Variants in GALNT13 observed in about 807,000 individuals in gnomAD.
GALNT13 encodes the protein UDP-GalNAc:polypeptide N-acetylgalactosaminyltransferase 13.
A neutral mutation model predicts 64.2 loss-of-function variants in GALNT13; 28 were observed. That is an observed-to-expected ratio of 0.44 (90% CI 0.32 to 0.60). The LOEUF is 0.60. GALNT13 is among the 20% of genes least tolerant of loss of function. The pLI is 0.05. For synonymous variants in GALNT13, 214 were observed against 224.6 expected (o/e 0.95, Z 0.42); for missense variants, 577 against 669.8 (o/e 0.86, Z 1.53).
intron 9 of GALNT13, among the ~76,000 whole-genome samples, chr2:154,320,170 T>A (rs951367115): frequency 3.9e-5 from 6 of 152,168 alleles, no homozygotes; most frequent in African/African-American, 1.4e-4. Flanking sequence ...TGATTAAGTG[T>A]ACAATCAGAA....
At chr2:153,963,729 CTCTGTGTGTG>C (rs1402812668) in intron 3 of GALNT13, among the ~76,000 whole-genome samples, 1,254 of 117,104 alleles carry the variant, frequency 0.011, 11 homozygotes, top group African/African-American at 0.031. Flanking sequence ...CTCTCTCTCT[CTCTGTGTGTG>C]TGTGTGTGTG....
chr2:153,402,359 C>T, the GALNT13 span, among the ~76,000 whole-genome samples: 4 of 150,484 alleles, frequency 2.7e-5, no homozygotes, highest in African/African-American at 4.9e-5. Flanking sequence ...CTGCCCTTAA[C>T]ATTTTTTCCT....
chr2:153,944,152 G>T (rs998918793), intron 2 of GALNT13, among the ~76,000 whole-genome samples: 3 of 152,022 alleles, frequency 2.0e-5, no homozygotes, highest in African/African-American at 7.2e-5. Flanking sequence ...ACAACTTAAA[G>T]GAATCAAGTA....
the GALNT13 span, among the ~76,000 whole-genome samples, chr2:153,576,302 G>C: frequency 1.3e-5 from 2 of 152,026 alleles, no homozygotes; most frequent in Non-Finnish European, 2.9e-5. Context: ...TCCACAGTCT[G>C]CGGGCCCAGT....
the GALNT13 span, among the ~76,000 whole-genome samples, chr2:153,854,676 A>T: frequency 6.6e-6 from 1 of 152,180 alleles, no homozygotes; most frequent in African/African-American, 2.4e-5. Flanking sequence ...GCAAGGAAAC[A>T]TAATAAATGG....
the GALNT13 span, among the ~76,000 whole-genome samples, chr2:153,571,656 A>T: frequency 6.6e-6 from 1 of 152,004 alleles, no homozygotes; most frequent in African/African-American, 2.4e-5. Flanking sequence ...TTTAACATCA[A>T]GGGATGTTTA....
chr2:153,174,467 ATTTTTTT>A, the GALNT13 span, among the ~76,000 whole-genome samples: 4 of 136,590 alleles, frequency 2.9e-5, no homozygotes, highest in Non-Finnish European at 6.4e-5. Flanking sequence ...CACATTTTCT[ATTTTTTT>A]TTTTTTTTTG....
chr2:153,581,257 C>A, the GALNT13 span, among the ~76,000 whole-genome samples: 1 of 152,064 alleles, frequency 6.6e-6, no homozygotes, highest in African/African-American at 2.4e-5. Flanking sequence ...GACCCAGACT[C>A]ATTTGTTCAG....
the GALNT13 span, among the ~76,000 whole-genome samples, chr2:153,275,887 A>T: frequency 6.6e-6 from 1 of 152,230 alleles, no homozygotes; most frequent in African/African-American, 2.4e-5. Flanking sequence ...CAATGAAATT[A>T]TCAGTATATT....
intron 3 of GALNT13, among the ~76,000 whole-genome samples, chr2:154,022,800 T>G (rs1279717466): frequency 6.6e-6 from 1 of 150,842 alleles, no homozygotes; most frequent in Admixed American, 6.6e-5. Context: ...GGTGTCAATT[T>G]GGGATCTTTC....
chr2:153,743,803 C>T, the GALNT13 span, among the ~76,000 whole-genome samples: 3 of 152,084 alleles, frequency 2.0e-5, no homozygotes, highest in African/African-American at 7.2e-5. Context: ...CATTAACCTT[C>T]CCCACTTCCC....
At chr2:153,873,262 G>A (rs1686115202) in intron 1 of GALNT13, among the ~76,000 whole-genome samples, 1 of 152,194 alleles carries the variant, frequency 6.6e-6, no homozygotes, top group African/African-American at 2.4e-5. Context: ...TGGACCTGAA[G>A]GAGGGGCGCA....
At chr2:154,145,224 C>T (rs1414570620) in intron 4 of GALNT13, among the ~76,000 whole-genome samples, 1 of 150,570 alleles carries the variant, frequency 6.6e-6, no homozygotes, top group Non-Finnish European at 1.5e-5. Context: ...TTTGCCCATT[C>T]CCCCACAAAT....
At chr2:153,203,571 T>C in the GALNT13 span, among the ~76,000 whole-genome samples, 1 of 152,092 alleles carries the variant, frequency 6.6e-6, no homozygotes, top group Non-Finnish European at 1.5e-5. Flanking sequence ...CCATGGAAAA[T>C]GGATATGGTT....
the GALNT13 span, among the ~76,000 whole-genome samples, chr2:153,544,474 T>A: frequency 6.6e-6 from 1 of 152,252 alleles, no homozygotes; most frequent in Non-Finnish European, 1.5e-5. Context: ...TTTAATGTTT[T>A]AATTACTTGA....
the GALNT13 span, among the ~76,000 whole-genome samples, chr2:153,818,656 C>T: frequency 1.8e-4 from 28 of 152,152 alleles, no homozygotes; most frequent in Non-Finnish European, 1.0e-4. Flanking sequence ...CTTGGCACCT[C>T]CTTTGTGTGC....
chr2:153,916,081 C>T (rs1291865054), intron 2 of GALNT13, among the ~76,000 whole-genome samples: 1 of 151,702 alleles, frequency 6.6e-6, no homozygotes, highest in Non-Finnish European at 1.5e-5. Flanking sequence ...CTTTTCTTTT[C>T]TTTTTCCTTC....
the GALNT13 span, among the ~76,000 whole-genome samples, chr2:153,413,395 C>T: frequency 6.6e-6 from 1 of 152,122 alleles, no homozygotes; most frequent in Non-Finnish European, 1.5e-5. Flanking sequence ...CTGAGCAAAA[C>T]ACCCTTGCCT....
chr2:153,173,977 A>G, the GALNT13 span, among the ~76,000 whole-genome samples: 6 of 152,260 alleles, frequency 3.9e-5, no homozygotes, highest in African/African-American at 1.2e-4. Context: ...AAAAAGGGTC[A>G]TGGGTCTCAA....
Sources: allele counts gnomAD v4.1 joint callset (sites outside exome capture counted in the v4.1 genomes callset), GRCh38; gene constraint gnomAD v4.1.1; transcripts MANE v1.5; gene names NCBI Gene and HGNC (gene_info 2026-07-23, HGNC 2026-07-21).